Variants in VPS13C observed in about 807,000 individuals in gnomAD.
The protein encoded by VPS13C is intermembrane lipid transfer protein VPS13C.
Under a neutral mutation model 456.8 loss-of-function variants are expected in VPS13C, and 358 were observed. The ratio of observed to expected loss-of-function variants is 0.78; its 90% CI spans 0.72 to 0.86. The LOEUF (loss-of-function observed/expected upper bound fraction) is 0.86. VPS13C is among the 40% of genes least tolerant of loss of function. The pLI is 0.00. For missense variants in VPS13C, 4,818 were observed against 4,385.4 expected (o/e 1.10, Z -2.79); for synonymous variants, 1,578 against 1,486.7 (o/e 1.06, Z -1.41).
intron 16 of VPS13C, among the ~76,000 whole-genome samples, chr15:61,997,002 T>A (rs962073748): frequency 2.0e-5 from 3 of 150,278 alleles, no homozygotes; most frequent in Non-Finnish European, 4.4e-5. Flanking sequence ...TACATACATA[T>A]ATATATATAT....
chr15:61,990,009 C>G (rs951523770), intron 18 of VPS13C, among the ~76,000 whole-genome samples: 2 of 152,004 alleles, frequency 1.3e-5, no homozygotes, highest in Non-Finnish European at 2.9e-5. Flanking sequence ...AACAACAGTA[C>G]AAATAAATAA....
At chr15:61,923,402 C>T (rs552654974) in intron 53 of VPS13C, among the ~76,000 whole-genome samples, 3 of 152,226 alleles carry the variant, frequency 2.0e-5, no homozygotes, top group South Asian at 2.1e-4. Context: ...ACATCTTCTA[C>T]GGCCAACGCC....
intron 1 of VPS13C, among the ~76,000 whole-genome samples, chr15:62,047,284 C>T (rs908416044): frequency 3.3e-5 from 5 of 151,768 alleles, no homozygotes; most frequent in Non-Finnish European, 5.9e-5. Context: ...AAAAATTAGC[C>T]GGGCATGGGC....
At chr15:62,046,944 T>C (rs956579533) in intron 1 of VPS13C, among the ~76,000 whole-genome samples, 4 of 152,182 alleles carry the variant, frequency 2.6e-5, no homozygotes, top group Admixed American at 2.0e-4. Context: ...TTTTTATTGA[T>C]GTTTTTCAGT....
At chr15:62,039,604 A>C (rs2048176145) in intron 3 of VPS13C, among the ~76,000 whole-genome samples, 1 of 152,234 alleles carries the variant, frequency 6.6e-6, no homozygotes, top group Non-Finnish European at 1.5e-5. Flanking sequence ...AGGTATATGA[A>C]AAGGTGCTCA....
chr15:62,033,712 C>G (rs55849672), intron 4 of VPS13C, among the ~76,000 whole-genome samples, 170 bp from the exon 5 acceptor site: 1,886 of 151,612 alleles, frequency 0.012, 15 homozygotes, highest in Middle Eastern at 0.041. Context: ...TTCCTATTCA[C>G]TTACAAAAAA....
chr15:61,868,696 T>A lies in VPS13C; in HGVS notation c.10826A>T (p.Tyr3609Phe). ...AGAGCCCTCAGATTCCTGTCTGTCA[T>A]AAGGACGAATGATGCCATCTTCATG... ...LIHEDGIIRPYDRQESEGSDL... is the reference protein window; with the variant it reads ...LIHEDGIIRPFDRQESEGSDL... The change falls in exon 81 of 85, where the codon TAT (tyrosine) becomes TTT (phenylalanine). Residue 3609 changes from tyrosine to phenylalanine, a missense_variant. Tyr to Phe is a conservative substitution (Grantham distance 22). Around this residue, in one of 3 missense-constraint regions of VPS13C, gnomAD observed 261 missense variants for 234.1 expected, o/e 1.11. Coordinates refer to ENST00000644861, the MANE Select transcript of VPS13C (RefSeq NM_020821.3). The A allele has an allele frequency of 6.2e-7, 1 of 1,614,078 alleles. No homozygotes were observed. The highest frequency in any genetic ancestry group is 1.1e-5 in the South Asian group (1 of 91,076).
At chr15:61,964,571 T>C in intron 31 of VPS13C, 128 bp downstream of exon 31, 1 of 881,608 alleles carries the variant, frequency 1.1e-6, no homozygotes, top group South Asian at 2.0e-5. Flanking sequence ...TGCTCGCATA[T>C]AATTTAATTT....
At chr15:61,942,359 G>A (rs1596361581) in intron 45 of VPS13C, among the ~76,000 whole-genome samples, 1 of 151,170 alleles carries the variant, frequency 6.6e-6, no homozygotes, top group East Asian at 1.9e-4. Flanking sequence ...ATAAATTTTT[G>A]CAACAGTTCT....
chr15:61,863,591 G>A, intron 81 of VPS13C, 63 bp from the exon 82 acceptor site: 4 of 1,006,058 alleles, frequency 4.0e-6, no homozygotes, highest in Non-Finnish European at 6.1e-6. Context: ...TTACAATACT[G>A]CATATTAGCT....
At chr15:61,882,054 TGTGCAGTATGTA>T (rs1371295809) in intron 69 of VPS13C, among the ~76,000 whole-genome samples, 1 of 152,162 alleles carries the variant, frequency 6.6e-6, no homozygotes, top group African/African-American at 2.4e-5. Flanking sequence ...GTATTAACAG[TGTGCAGTATGTA>T]CATCATTAAT....
At chr15:61,890,029 T>A (rs902281725) in intron 67 of VPS13C, 136 bp downstream of exon 67, 3 of 758,936 alleles carry the variant, frequency 4.0e-6, no homozygotes, top group Non-Finnish European at 6.3e-6. Context: ...TTCAAAGAAT[T>A]ATTCAGTAAG....
intron 15 of VPS13C, among the ~76,000 whole-genome samples, chr15:62,006,346 T>C (rs1257523255): frequency 2.0e-5 from 3 of 152,000 alleles, no homozygotes; most frequent in Non-Finnish European, 2.9e-5. Flanking sequence ...TGAGTGAGAA[T>C]ATGCGGTGTT....
At chr15:61,866,562 A>C in intron 81 of VPS13C, 1 of 985,128 alleles carries the variant, frequency 1.0e-6, no homozygotes, top group Non-Finnish European at 1.2e-6. Context: ...GATTTAAGTC[A>C]GCATCTTGAA....
intron 42 of VPS13C, among the ~76,000 whole-genome samples, chr15:61,948,785 G>T (rs565487062): frequency 2.6e-5 from 4 of 151,778 alleles, no homozygotes; most frequent in Non-Finnish European, 5.9e-5. Flanking sequence ...AACTCGTAAC[G>T]ATCTGAAAAC....
chr15:61,946,004 T>C, intron 44 of VPS13C, 122 bp from the exon 45 acceptor site: 2 of 906,826 alleles, frequency 2.2e-6, no homozygotes, highest in Non-Finnish European at 3.1e-6. Flanking sequence ...AATTCAACAT[T>C]AAAAATTATT....
At chr15:62,007,551 T>G in intron 14 of VPS13C, 72 bp from the exon 15 acceptor site, 1 of 1,319,248 alleles carries the variant, frequency 7.6e-7, no homozygotes, top group African/African-American at 1.5e-5. Context: ...GTCTTGACAT[T>G]TTAGATCTTA....
intron 82 of VPS13C, among the ~76,000 whole-genome samples, chr15:61,860,224 T>C (rs1018633843): frequency 1.8e-4 from 27 of 152,248 alleles, no homozygotes; most frequent in African/African-American, 5.1e-4. Flanking sequence ...GATGATGATA[T>C]ATTAAAAGGT....
At chr15:61,856,521 A>T in intron 82 of VPS13C, 112 bp from the exon 83 acceptor site, 1 of 1,263,268 alleles carries the variant, frequency 7.9e-7, no homozygotes, top group Admixed American at 3.2e-5. Context: ...TAAACAATAT[A>T]AACTGGCACT....
Sources: allele counts gnomAD v4.1 joint callset (sites outside exome capture counted in the v4.1 genomes callset), GRCh38; gene constraint gnomAD v4.1.1; regional missense constraint gnomAD v4.1.1; transcripts MANE v1.5; gene names NCBI Gene and HGNC (gene_info 2026-07-23, HGNC 2026-07-21).